The following JDP2 variants were observed in gnomAD, a reference collection of about 807,000 sequenced individuals.
JDP2 encodes Jun dimerization protein 2.
JDP2 carries 9 observed loss-of-function variants against 17.1 expected under a neutral mutation model. The observed-to-expected ratio is 0.53, with a 90% CI of 0.32 to 0.92. JDP2 has a LOEUF of 0.92. Among genes scored for constraint, JDP2 ranks in the 40% least tolerant of loss-of-function variants. JDP2 has a pLI of 0.04. For missense variants in JDP2, 179 were observed against 220.0 expected, an observed-to-expected ratio of 0.81 and a Z score of 1.18; for synonymous variants, 107 against 95.6, an observed-to-expected ratio of 1.12 and a Z score of -0.69.
Position 75,453,478 on chromosome 14 carries a change from GA to G in JDP2, c.202-7947del, listed in dbSNP as rs1230813298. 5.6e-4 allele frequency among the ~76,000 whole-genome samples: 86 copies of G among 152,314 alleles called. 1 individual carries two copies. Among genetic ancestry groups the G allele is most frequent in the African/African-American group, 1.8e-3 (73 of 41,566 alleles). On this transcript the variant is annotated intron_variant, in intron 2 of 3. Coordinates refer to ENST00000651602, the MANE Select transcript of JDP2 (RefSeq NM_001135048.2). ...TCCTTTCTGTGCCGCATTCTGCCCG[GA>G]GGCAGGCCAGTGTGCCGCTGCTGCA...
chr14:75,454,837 G>A (rs1005727063), intron 2 of JDP2, among the ~76,000 whole-genome samples: 5 of 151,990 alleles, frequency 3.3e-5, no homozygotes, highest in Non-Finnish European at 7.4e-5. Flanking sequence ...GCGATGTAGT[G>A]GAAGGTCAGA....
At chr14:75,454,231 C>A (rs3784017) in intron 2 of JDP2, among the ~76,000 whole-genome samples, 1 of 151,938 alleles carries the variant, frequency 6.6e-6, no homozygotes, top group African/African-American at 2.4e-5. Context: ...TGTGCAATAA[C>A]GTTTTTTAAA....
At chr14:75,427,028 G>C (rs530897347), upstream of JDP2, 1 of 152,408 alleles carries the variant, frequency 6.6e-6, no homozygotes, top group African/African-American at 2.4e-5. This position sits in a 1 kb window ranked among gnomAD's most constrained non-coding sequence, Gnocchi z 4.4. Context: ...AGGGAACCCC[G>C]TTCTACCTGA....
At position 75,470,829 on chromosome 14, in the gene JDP2, C is replaced by G. The variant is rs531078513; in HGVS notation, c.*1354C>G. ...CCTTGCCAGGGAACAGCACTTGTCC[C>G]CAATTCACAGATGGCGAATTAGAGG... is the stretch of plus-strand genomic sequence containing the variant. On this transcript the variant is annotated 3_prime_UTR_variant, in exon 4 of 4. Coordinates refer to ENST00000651602, the MANE Select transcript of JDP2 (RefSeq NM_001135048.2). 1 of 152,228 alleles carries G rather than the reference C, an allele frequency of 6.6e-6. No homozygotes were observed. The highest frequency in any genetic ancestry group is 1.5e-5 in the Non-Finnish European group (1 of 68,030). The allele number at this position is 152,228 out of a possible 1,614,324, so 9.4% of individuals were successfully genotyped here.
intron 1 of JDP2, among the ~76,000 whole-genome samples, chr14:75,429,667 G>A (rs1309497990): frequency 1.3e-5 from 2 of 152,220 alleles, no homozygotes; most frequent in African/African-American, 4.8e-5. Context: ...GGTATCAGGT[G>A]TGAGCATGGC....
At chr14:75,437,253 CT>C (rs1239080993) in intron 1 of JDP2, among the ~76,000 whole-genome samples, 5 of 151,910 alleles carry the variant, frequency 3.3e-5, no homozygotes, top group Non-Finnish European at 2.9e-5. Context: ...TTAATTCCAC[CT>C]GCTTTGCCTC....
At chr14:75,455,002 A>G (rs967735857) in intron 2 of JDP2, among the ~76,000 whole-genome samples, 1 of 152,098 alleles carries the variant, frequency 6.6e-6, no homozygotes, top group Non-Finnish European at 1.5e-5. Flanking sequence ...GAGGGCTTGG[A>G]CCAGGCTGGA....
At chr14:75,438,145 C>G (rs760466363) in intron 2 of JDP2, 24 bp downstream of exon 2, 6 of 1,559,544 alleles carry the variant, frequency 3.8e-6, no homozygotes, top group Non-Finnish European at 5.2e-6. Context: ...TTACCCCTGG[C>G]AGATTCCAGG....
intron 2 of JDP2, among the ~76,000 whole-genome samples, chr14:75,454,007 TC>T (rs1885989049): frequency 6.6e-6 from 1 of 152,242 alleles, no homozygotes; most frequent in Non-Finnish European, 1.5e-5. Flanking sequence ...ATTCTGTCTC[TC>T]TGTGGGTCCT....
At chr14:75,462,510 T>C (rs1886384986) in intron 3 of JDP2, among the ~76,000 whole-genome samples, 1 of 152,182 alleles carries the variant, frequency 6.6e-6, no homozygotes, top group African/African-American at 2.4e-5. Flanking sequence ...TTTCTACAGA[T>C]AAGGAAACTA....
chr14:75,470,250 A>T lies in JDP2; in HGVS notation c.*775A>T, dbSNP rs71429098. On this transcript the variant is annotated 3_prime_UTR_variant, in exon 4 of 4. Coordinates refer to ENST00000651602, the MANE Select transcript of JDP2 (RefSeq NM_001135048.2). ...AATATATATATGGATTTCTATAATC[A>T]CTCGATGTGATACAGTATAAATATG... 2.4e-3 allele frequency: 360 copies of T among 150,684 alleles called. No individual in the cohort carries two copies. Among genetic ancestry groups the T allele is most frequent in the Non-Finnish European group, 3.1e-3 (211 of 67,788 alleles). The allele number at this position is 150,684 out of a possible 1,614,324, so 9.3% of individuals were successfully genotyped here. A position where few individuals can be genotyped will look rare whatever the true frequency, so the allele number is the denominator to read the frequency against.
intron 2 of JDP2, among the ~76,000 whole-genome samples, chr14:75,453,638 G>C (rs1885970053): frequency 6.6e-6 from 1 of 152,212 alleles, no homozygotes; most frequent in Non-Finnish European, 1.5e-5. Flanking sequence ...GTACCTTCCT[G>C]TACAAGTGAG....
intron 3 of JDP2, among the ~76,000 whole-genome samples, chr14:75,465,617 A>G (rs1166394032): frequency 6.6e-6 from 1 of 152,218 alleles, no homozygotes; most frequent in African/African-American, 2.4e-5. Context: ...GGTGTGAGCC[A>G]CCATGCCCAG....
At chr14:75,445,663 A>C (rs990863820) in intron 2 of JDP2, 1 of 865,634 alleles carries the variant, frequency 1.2e-6, no homozygotes, top group Admixed American at 6.2e-5. Context: ...TACATATATT[A>C]TCTCAAAATG....
In JDP2 at chr14:75,461,443, G is replaced by A. The variant is rs1284777365; in HGVS notation, c.219G>A (p.Glu73=). The A allele has an allele frequency of 1.2e-5, 20 of 1,607,822 alleles. No homozygotes were observed. The highest frequency in any genetic ancestry group is 1.5e-5 in the Non-Finnish European group (18 of 1,177,980). Residue 73 remains glutamate (E), a synonymous_variant, in exon 3 of 4, where the codon GAG becomes GAA. Coordinates refer to ENST00000651602, the MANE Select transcript of JDP2 (RefSeq NM_001135048.2). ...PVKSELDEEE[E]RRKRRREKNK... ...CCTCACAGCTAGATGAGGAAGAGGA[G>A]CGAAGGAAAAGGCGCCGGGAGAAGA...
At chr14:75,453,717 G>A (rs968734307) in intron 2 of JDP2, among the ~76,000 whole-genome samples, 4 of 152,166 alleles carry the variant, frequency 2.6e-5, no homozygotes, top group Non-Finnish European at 5.9e-5. Context: ...AGAGCTTCTG[G>A]AGGAACTCAG....
At chr14:75,446,116 A>C (rs1885588389) in intron 2 of JDP2, among the ~76,000 whole-genome samples, 1 of 152,226 alleles carries the variant, frequency 6.6e-6, no homozygotes, top group African/African-American at 2.4e-5. Flanking sequence ...ACTACTTTGC[A>C]CCCACTAGGA....
intron 3 of JDP2, among the ~76,000 whole-genome samples, chr14:75,468,670 CCT>C (rs1886675190): frequency 6.6e-6 from 1 of 152,178 alleles, no homozygotes; most frequent in Non-Finnish European, 1.5e-5. Context: ...CTGCTGATTC[CCT>C]GTCTGTGGGC....
chr14:75,437,301 T>A (rs1315423189), intron 1 of JDP2, among the ~76,000 whole-genome samples: 1 of 152,180 alleles, frequency 6.6e-6, no homozygotes, highest in Non-Finnish European at 1.5e-5. Context: ...CACTCACCTT[T>A]AACTTAGATT....
Sources: gnomAD v4.1 joint callset for allele counts (sites outside exome capture counted in the v4.1 genomes callset) on GRCh38, gnomAD v4.1.1 for gene constraint, Gnocchi (gnomAD v3.1) non-coding constraint, MANE v1.5 for transcripts, NCBI Gene and HGNC (gene_info 2026-07-23, HGNC 2026-07-21) for gene names.